Variants in SCNN1B observed in about 807,000 individuals in gnomAD.
SCNN1B encodes the protein epithelial sodium channel subunit beta.
Under a neutral mutation model 65.3 loss-of-function variants are expected in SCNN1B, and 46 were observed. That is an observed-to-expected ratio of 0.70 (90% CI 0.56 to 0.90). The LOEUF is 0.90. Among genes scored for constraint, SCNN1B ranks in the 40% least tolerant of loss-of-function variants. The probability of loss-of-function intolerance (pLI) is 0.00; values close to 1 mark genes in which losing one functional copy is unlikely to be tolerated. For missense variants in SCNN1B, 751 were observed against 830.5 expected (o/e 0.90, Z 1.18); for synonymous variants, 349 against 330.6 (o/e 1.06, Z -0.60).
intron 2 of SCNN1B, among the ~76,000 whole-genome samples, chr16:23,289,699 A>T (rs1219882290): frequency 7.8e-6 from 1 of 127,636 alleles, no homozygotes; most frequent in African/African-American, 3.3e-5. Flanking sequence ...TTTTTGAGGC[A>T]GAGTCTCACT....
intron 1 of SCNN1B, among the ~76,000 whole-genome samples, chr16:23,330,692 C>A (rs1961793662): frequency 6.6e-6 from 1 of 152,138 alleles, no homozygotes; most frequent in Non-Finnish European, 1.5e-5. Context: ...CCCTCCTCAG[C>A]CTCCTGAACA....
intron 1 of SCNN1B, among the ~76,000 whole-genome samples, chr16:23,326,604 A>G (rs1961702305): frequency 6.6e-6 from 1 of 152,012 alleles, no homozygotes; most frequent in Non-Finnish European, 1.5e-5. Flanking sequence ...AGCTGGGATT[A>G]TAGGTGTGCG....
At chr16:23,302,850 C>T (rs1206221825) in intron 1 of SCNN1B, among the ~76,000 whole-genome samples, 4 of 152,204 alleles carry the variant, frequency 2.6e-5, no homozygotes, top group Non-Finnish European at 4.4e-5. Context: ...ACTTCGCTCA[C>T]AGGGCATCCC....
intron 1 of SCNN1B, among the ~76,000 whole-genome samples, chr16:23,315,322 A>G (rs530589135): frequency 6.6e-6 from 1 of 151,574 alleles, no homozygotes; most frequent in African/African-American, 2.4e-5. Context: ...GAGCAACAAG[A>G]GCGAAAGTCT....
intron 4 of SCNN1B, among the ~76,000 whole-genome samples, chr16:23,361,703 G>A (rs1342393213): frequency 6.6e-6 from 1 of 152,112 alleles, no homozygotes; most frequent in Non-Finnish European, 1.5e-5. Context: ...TTTAACTTTT[G>A]CCTACTTTCT....
chr16:23,301,116 C>T (rs769874093), upstream of SCNN1B, among the ~76,000 whole-genome samples: 3 of 151,972 alleles, frequency 2.0e-5, no homozygotes, highest in Non-Finnish European at 2.9e-5. Context: ...GTAATCCCAA[C>T]ACTTTGGGAG....
intron 2 of SCNN1B, among the ~76,000 whole-genome samples, chr16:23,291,037 G>A (rs1355506867): frequency 6.6e-6 from 1 of 150,952 alleles, no homozygotes; most frequent in Non-Finnish European, 1.5e-5. Context: ...TAAATCTAAG[G>A]ATCAAATTCT....
intron 1 of SCNN1B, among the ~76,000 whole-genome samples, chr16:23,315,858 T>C (rs1961442400): frequency 6.6e-6 from 1 of 152,122 alleles, no homozygotes; most frequent in African/African-American, 2.4e-5. Context: ...TCTCATTTAA[T>C]CTGCACATAA....
intron 1 of SCNN1B, among the ~76,000 whole-genome samples, chr16:23,309,117 G>A (rs1961283332): frequency 6.6e-6 from 1 of 152,272 alleles, no homozygotes; most frequent in Middle Eastern, 3.4e-3. Context: ...TCTCGGTCCT[G>A]GAGCTTGGAA....
At chr16:23,337,827 G>A (rs1448377547) in intron 1 of SCNN1B, among the ~76,000 whole-genome samples, 5 of 152,058 alleles carry the variant, frequency 3.3e-5, no homozygotes, top group Non-Finnish European at 7.4e-5. Context: ...AGCACTTTGG[G>A]AAGCCAAAGC....
intron 3 of SCNN1B, among the ~76,000 whole-genome samples, chr16:23,354,124 T>C (rs933572482): frequency 1.3e-5 from 2 of 152,194 alleles, no homozygotes; most frequent in African/African-American, 4.8e-5. Flanking sequence ...CCACACAAAC[T>C]AGCCGACGTC....
intron 2 of SCNN1B, among the ~76,000 whole-genome samples, chr16:23,349,348 G>C (rs149043633): frequency 6.6e-6 from 1 of 152,084 alleles, no homozygotes; most frequent in Non-Finnish European, 1.5e-5. Flanking sequence ...TTAGCCAGAC[G>C]TGGTGGCACA....
At chr16:23,307,777 C>T (rs1046834881) in intron 1 of SCNN1B, among the ~76,000 whole-genome samples, 6 of 152,206 alleles carry the variant, frequency 3.9e-5, no homozygotes, top group African/African-American at 1.4e-4. Context: ...ATGCCAGGCG[C>T]AGTGGCCATC....
At chr16:23,299,781 C>T (rs180837667), upstream of SCNN1B, among the ~76,000 whole-genome samples, 12 of 152,272 alleles carry the variant, frequency 7.9e-5, no homozygotes, top group South Asian at 4.1e-4. Context: ...AAGACAGTAT[C>T]GCGATTCCTC....
At chr16:23,302,196 T>C (rs1358699658), upstream of SCNN1B, 1 of 151,212 alleles carries the variant, frequency 6.6e-6, no homozygotes, top group Admixed American at 6.6e-5. Context: ...GCGAGGGAGG[T>C]GGCCAGGGGA....
chr16:23,377,512 T>C, intron 10 of SCNN1B, 126 bp downstream of exon 10: 1 of 777,926 alleles, frequency 1.3e-6, no homozygotes. Flanking sequence ...CTTCCTTCTC[T>C]GTTTCCCTCC....
rs568093932 is a variant in SCNN1B at position 23,338,536 on chromosome 16, C to T, written c.-8-10056C>T. Among the ~76,000 whole-genome samples, 11 of 152,238 alleles carry T rather than the reference C, an allele frequency of 7.2e-5. No homozygotes were observed. In the South Asian group the frequency reaches 8.3e-4, roughly 11 times the overall value. On this transcript the variant is annotated intron_variant, in intron 1 of 12. Coordinates refer to ENST00000343070, the MANE Select transcript of SCNN1B (RefSeq NM_000336.3). Reference sequence around the variant, plus strand: ...ATCTTGGATAATTGAGGTTTTGCTGCGAAAATAAGTACAGGGGATTTTAAT... The same window carrying T: ...ATCTTGGATAATTGAGGTTTTGCTGTGAAAATAAGTACAGGGGATTTTAAT...
At position 23,355,297 on chromosome 16, in the gene SCNN1B, A is replaced by G. The variant is rs1567308882; in HGVS notation, c.586-2A>G. On this transcript the variant is annotated splice_acceptor_variant, in intron 3 of 12. Transcript: ENST00000343070. LOFTEE classifies it high-confidence loss of function. ...CACAAAAACCCCTCTTGGCCTCCAC[A>G]GTGTAGCCTCAACAGGACCCAGTGT... is the stretch of plus-strand genomic sequence containing the variant. 1.2e-6 allele frequency: 2 copies of G among 1,614,132 alleles called. No homozygotes were observed. Among genetic ancestry groups the G allele is most frequent in the Non-Finnish European group, 1.7e-6 (2 of 1,179,994 alleles).
upstream of SCNN1B, among the ~76,000 whole-genome samples, chr16:23,299,518 C>G (rs1015605253): frequency 5.3e-5 from 8 of 152,190 alleles, no homozygotes; most frequent in African/African-American, 1.9e-4. Flanking sequence ...GTCAAAATCA[C>G]TTTCATAAGA....
Sources: gnomAD v4.1 joint callset for allele counts (sites outside exome capture counted in the v4.1 genomes callset) on GRCh38, gnomAD v4.1.1 for gene constraint, MANE v1.5 for transcripts, NCBI Gene and HGNC (gene_info 2026-07-23, HGNC 2026-07-21) for gene names.